FARS2: variants seen among roughly 807,000 people sequenced by gnomAD.
FARS2 encodes the protein phenylalanyl-tRNA synthetase 2, mitochondrial.
Under a neutral mutation model 46.4 loss-of-function variants are expected in FARS2, and 40 were observed. That is an observed-to-expected ratio of 0.86 (90% confidence interval 0.67 to 1.12). The LOEUF (loss-of-function observed/expected upper bound fraction) is 1.12, where lower values mean the gene tolerates loss of function less well. Among genes scored for constraint, FARS2 ranks in the 50% most tolerant of loss-of-function variants. The probability of loss-of-function intolerance (pLI) is 0.00; values close to 1 mark genes in which losing one functional copy is unlikely to be tolerated. For synonymous variants in FARS2, 234 were observed against 214.9 expected, an observed-to-expected ratio of 1.09 and a Z score of -0.78; for missense variants, 513 against 567.9, an observed-to-expected ratio of 0.90 and a Z score of 0.98.
At chr6:5,633,883 C>T (rs1445632695) in intron 6 of FARS2, among the ~76,000 whole-genome samples, 3 of 152,156 alleles carry the variant, frequency 2.0e-5, no homozygotes, top group Non-Finnish European at 4.4e-5. Flanking sequence ...CAATGATTAG[C>T]TAATTATATA....
At chr6:5,601,038 C>T (rs1169574970) in intron 5 of FARS2, among the ~76,000 whole-genome samples, 1 of 152,098 alleles carries the variant, frequency 6.6e-6, no homozygotes, top group East Asian at 1.9e-4. Flanking sequence ...TTTCTCTCCC[C>T]CTGCCATGTG....
chr6:5,468,891 T>G (rs1765659288), intron 4 of FARS2, among the ~76,000 whole-genome samples: 1 of 152,184 alleles, frequency 6.6e-6, no homozygotes, highest in Admixed American at 6.5e-5. Flanking sequence ...ATGATGAAGT[T>G]TAAGGATTTC....
At chr6:5,256,146 T>C (rs1003504487), upstream of FARS2, among the ~76,000 whole-genome samples, 1 of 151,836 alleles carries the variant, frequency 6.6e-6, no homozygotes, top group African/African-American at 2.4e-5. Flanking sequence ...CTAGGGAACA[T>C]CAGAATTGAA....
At chr6:5,315,494 A>G (rs1489869637) in intron 1 of FARS2, among the ~76,000 whole-genome samples, 1 of 152,206 alleles carries the variant, frequency 6.6e-6, no homozygotes, top group Non-Finnish European at 1.5e-5. Flanking sequence ...CTAGGTAAGC[A>G]AGTAAGTTTT....
At chr6:5,491,110 CTT>C (rs1211449839) in intron 4 of FARS2, among the ~76,000 whole-genome samples, 2 of 152,140 alleles carry the variant, frequency 1.3e-5, no homozygotes, top group Non-Finnish European at 2.9e-5. Context: ...TGTTGGTTCT[CTT>C]TAGCGATTCT....
At chr6:5,415,295 A>G (rs1427087931) in intron 3 of FARS2, among the ~76,000 whole-genome samples, 1 of 97,220 alleles carries the variant, frequency 1.0e-5, no homozygotes, top group African/African-American at 4.2e-5. Flanking sequence ...TTTAATTTGT[A>G]TTTTCTTTTC....
chr6:5,284,182 A>G (rs1338836648), intron 1 of FARS2, among the ~76,000 whole-genome samples: 1 of 152,164 alleles, frequency 6.6e-6, no homozygotes, highest in Non-Finnish European at 1.5e-5. Context: ...AGGCATTTGT[A>G]ATTCATTTCG....
chr6:5,350,723 A>G (rs900190878), intron 1 of FARS2, among the ~76,000 whole-genome samples: 21 of 152,294 alleles, frequency 1.4e-4, no homozygotes, highest in African/African-American at 4.3e-4. Context: ...AATTGTGTCA[A>G]TGTCCTGGTT....
chr6:5,732,705 G>T (rs1427362689), intron 6 of FARS2, among the ~76,000 whole-genome samples: 4 of 152,116 alleles, frequency 2.6e-5, no homozygotes, highest in Non-Finnish European at 4.4e-5. Context: ...TGGGTCAGCC[G>T]GACTCCAGCC....
upstream of FARS2, among the ~76,000 whole-genome samples, chr6:5,257,990 G>A (rs1485570770): frequency 5.3e-5 from 8 of 152,192 alleles, no homozygotes; most frequent in African/African-American, 1.4e-4. Context: ...GAAAACTTTT[G>A]TTCAGAGAAG....
intron 5 of FARS2, among the ~76,000 whole-genome samples, chr6:5,593,176 G>C (rs979052284): frequency 6.6e-6 from 1 of 152,150 alleles, no homozygotes; most frequent in Non-Finnish European, 1.5e-5. Flanking sequence ...AGAACAGACA[G>C]GATCCTGCCG....
intron 6 of FARS2, among the ~76,000 whole-genome samples, chr6:5,677,961 T>C (rs1778848036): frequency 1.3e-5 from 2 of 152,114 alleles, no homozygotes; most frequent in Admixed American, 1.3e-4. Context: ...TCGAATGGCA[T>C]CTTTGAAAAT....
intron 2 of FARS2, among the ~76,000 whole-genome samples, chr6:5,379,796 G>T (rs1759635105): frequency 6.6e-6 from 1 of 152,214 alleles, no homozygotes; most frequent in Non-Finnish European, 1.5e-5. Context: ...CAAAAGAAGT[G>T]CAGGGTGCCC....
chr6:5,272,013 A>G (rs1186186931), intron 1 of FARS2, among the ~76,000 whole-genome samples: 3 of 152,162 alleles, frequency 2.0e-5, no homozygotes, highest in African/African-American at 7.2e-5. Flanking sequence ...TGTTCTGAAA[A>G]TATGTAATGG....
intron 2 of FARS2, among the ~76,000 whole-genome samples, chr6:5,397,168 G>A (rs1020847150): frequency 3.3e-5 from 5 of 152,162 alleles, no homozygotes; most frequent in African/African-American, 1.2e-4. Context: ...AAATGTACAT[G>A]CATATTACTC....
intron 6 of FARS2, among the ~76,000 whole-genome samples, chr6:5,692,660 TAGC>T (rs1757827474): frequency 6.6e-6 from 1 of 152,274 alleles, no homozygotes; most frequent in African/African-American, 2.4e-5. Context: ...TAAACAATGT[TAGC>T]AGAGGAATAT....
the FARS2 span, among the ~76,000 whole-genome samples, chr6:5,252,443 C>T: frequency 1.3e-5 from 2 of 152,200 alleles, no homozygotes; most frequent in Admixed American, 1.3e-4. Context: ...CAGTCCAACA[C>T]TTCAGCCACA....
At chr6:5,338,760 A>G (rs1389365667) in intron 1 of FARS2, among the ~76,000 whole-genome samples, 1 of 152,170 alleles carries the variant, frequency 6.6e-6, no homozygotes, top group African/African-American at 2.4e-5. Context: ...GCTATATCAC[A>G]TTCTCCGTGA....
At chr6:5,615,044 C>G (rs551535829) in intron 6 of FARS2, among the ~76,000 whole-genome samples, 11 of 152,276 alleles carry the variant, frequency 7.2e-5, no homozygotes, top group African/African-American at 2.6e-4. Context: ...AGGATTCCTT[C>G]TTTATCTTTC....
Sources: allele counts gnomAD v4.1 joint callset (sites outside exome capture counted in the v4.1 genomes callset), GRCh38; gene constraint gnomAD v4.1.1; transcripts MANE v1.5; gene names NCBI Gene and HGNC (gene_info 2026-07-23, HGNC 2026-07-21).